TRIM42: variants seen among roughly 807,000 people sequenced by gnomAD.
The protein encoded by TRIM42 is tripartite motif-containing protein 42.
In TRIM42, 59 loss-of-function variants were observed where a neutral mutation model predicts 64.9. The observed-to-expected ratio is 0.91, with a 90% CI of 0.74 to 1.13. TRIM42 has a LOEUF of 1.13. Ranked by LOEUF, TRIM42 falls within the 50% of genes most tolerant of loss-of-function variation. The pLI is 0.00. For synonymous variants in TRIM42, 354 were observed against 346.3 expected (o/e 1.02, Z -0.25); for missense variants, 878 against 929.5 (o/e 0.94, Z 0.72).
intron 2 of TRIM42, among the ~76,000 whole-genome samples, chr3:140,683,445 T>G (rs373699303): frequency 2.0e-5 from 3 of 152,190 alleles, no homozygotes; most frequent in African/African-American, 4.8e-5. Flanking sequence ...AGTTCCTCTA[T>G]GTAAAGCATG....
intron 4 of TRIM42, among the ~76,000 whole-genome samples, chr3:140,692,143 C>G (rs1040186850): frequency 6.6e-6 from 1 of 152,108 alleles, no homozygotes; most frequent in Non-Finnish European, 1.5e-5. Context: ...CTCTTCCTCT[C>G]TCCCTGCTTC....
chr3:140,679,884 C>G (rs754770081), intron 1 of TRIM42, among the ~76,000 whole-genome samples: 28 of 146,340 alleles, frequency 1.9e-4, no homozygotes, highest in East Asian at 2.2e-4. Context: ...TCCCCACCCC[C>G]CCAAACATTG....
intron 4 of TRIM42, among the ~76,000 whole-genome samples, chr3:140,697,366 T>A (rs1045446185): frequency 6.6e-6 from 1 of 152,196 alleles, no homozygotes; most frequent in African/African-American, 2.4e-5. Context: ...ATCAATTATT[T>A]TTTCTTTATA....
chr3:140,681,708 C>T (rs1412085444), intron 1 of TRIM42, among the ~76,000 whole-genome samples: 1 of 151,900 alleles, frequency 6.6e-6, no homozygotes, highest in Non-Finnish European at 1.5e-5. Flanking sequence ...TGACTCATTG[C>T]AACAAGTGAG....
intron 4 of TRIM42, among the ~76,000 whole-genome samples, chr3:140,698,702 A>G (rs1988919944): frequency 6.6e-6 from 1 of 152,122 alleles, no homozygotes; most frequent in African/African-American, 2.4e-5. Flanking sequence ...AATAAAGACT[A>G]TTTCTGTTTG....
chr3:140,698,948 T>C, intron 4 of TRIM42, among the ~76,000 whole-genome samples: 1 of 152,218 alleles, frequency 6.6e-6, no homozygotes, highest in Non-Finnish European at 1.5e-5. Context: ...CCTTGTCTTA[T>C]TCCTGATATT....
At chr3:140,694,445 C>T (rs1194870969) in intron 4 of TRIM42, among the ~76,000 whole-genome samples, 2 of 152,172 alleles carry the variant, frequency 1.3e-5, no homozygotes, top group African/African-American at 4.8e-5. Context: ...GTTTCTTCCC[C>T]TGCTCTTCCT....
intron 3 of TRIM42, among the ~76,000 whole-genome samples, chr3:140,690,531 GTATATATATATATATATA>G (rs56969249): frequency 0.035 from 3,664 of 103,972 alleles, 98 homozygotes; most frequent in African/African-American, 0.057. Flanking sequence ...AAGTTTTTAT[GTATATATATATATATATA>G]TATATATATA....
intron 4 of TRIM42, among the ~76,000 whole-genome samples, chr3:140,700,569 A>G (rs113990480): frequency 2.1e-4 from 32 of 152,342 alleles, no homozygotes; most frequent in African/African-American, 7.5e-4. Context: ...AAGGATACAG[A>G]GGATCCTCTA....
chr3:140,690,870 A>G, intron 3 of TRIM42, 98 bp from the exon 4 acceptor site: 1 of 1,014,116 alleles, frequency 9.9e-7, no homozygotes, highest in South Asian at 1.5e-5. Context: ...GGTCAGCTTA[A>G]ACTCACCCCA....
intron 1 of TRIM42, among the ~76,000 whole-genome samples, chr3:140,681,744 G>A (rs1988399958): frequency 6.6e-6 from 1 of 152,076 alleles, no homozygotes; most frequent in Non-Finnish European, 1.5e-5. Context: ...AAAGTGTAAG[G>A]TACCTTGAAA....
chr3:140,686,997 G>A (rs528920935), intron 2 of TRIM42, among the ~76,000 whole-genome samples: 32 of 152,264 alleles, frequency 2.1e-4, no homozygotes, highest in African/African-American at 7.5e-4. Flanking sequence ...AAGATACATG[G>A]CATGTAACAG....
rs201744144 is a variant in TRIM42 at position 140,682,701 on chromosome 3, C to A, written c.581C>A (p.Ser194Ter). ...CTCATCTGCCCAGTGTGCGACCGCT[C>A]GCACTGCATGCCCTACAGCAACAAG... ...FILICPVCDRSHCMPYSNKMQ... is the reference protein window; with the variant it reads ...FILICPVCDR The change falls in exon 2 of 5, where the codon TCG becomes TAG. Residue 194 changes from serine (S) to a stop codon, truncating the protein, a stop_gained. Transcript: ENST00000286349. LOFTEE classifies it high-confidence loss of function. 1 of 1,612,742 alleles carries A rather than the reference C, an allele frequency of 6.2e-7. No homozygotes were observed. The highest frequency in any genetic ancestry group is 1.7e-5 in the Admixed American group (1 of 60,028).
intron 4 of TRIM42, among the ~76,000 whole-genome samples, chr3:140,696,728 G>A (rs143507218): frequency 5.5e-4 from 84 of 152,236 alleles, no homozygotes; most frequent in African/African-American, 1.9e-3. Context: ...CTTCCTTTGT[G>A]CACATGCATT....
At position 140,684,715 on chromosome 3, in the gene TRIM42, C is replaced by G. The variant is rs531863277; in HGVS notation, c.1039+1556C>G. On this transcript the variant is annotated intron_variant, in intron 2 of 4. Transcript: ENST00000286349. ...AGGGAAGACTTCATATTAAAGGAAC[C>G]CTGCAGGAACCACATTACCAAGAAA... Among the ~76,000 whole-genome samples the G allele has an allele frequency of 4.6e-5, 7 of 152,184 alleles. No homozygotes were observed. The East Asian group carries it at 1.4e-3, about 29-fold the overall frequency.
At chr3:140,690,718 A>G (rs549925301) in intron 3 of TRIM42, among the ~76,000 whole-genome samples, 1 of 151,758 alleles carries the variant, frequency 6.6e-6, no homozygotes, top group East Asian at 1.9e-4. Context: ...GACAATTGTC[A>G]CCTCCATGTC....
chr3:140,678,095 C>A lies in TRIM42; in HGVS notation c.-135C>A, dbSNP rs183866557. The A allele has an allele frequency of 4.9e-4, 393 of 796,882 alleles. No individual in the cohort carries two copies. Among genetic ancestry groups the A allele is most frequent in the Non-Finnish European group, 6.7e-4 (322 of 480,572 alleles). The allele number at this position is 796,882 out of a possible 1,614,324, so 49.4% of individuals were successfully genotyped here. A position where few individuals can be genotyped will look rare whatever the true frequency, so the allele number is the denominator to read the frequency against. Reference sequence around the variant, plus strand: ...ACCAGCTGTGAAGTCCTCATAACAGCCAACTTCTTGCAACTTTCAAGCTGA... The same window carrying A: ...ACCAGCTGTGAAGTCCTCATAACAGACAACTTCTTGCAACTTTCAAGCTGA... On this transcript the variant is annotated 5_prime_UTR_variant, in exon 1 of 5. Transcript: ENST00000286349.
intron 4 of TRIM42, among the ~76,000 whole-genome samples, chr3:140,697,322 A>G (rs1490687800): frequency 6.6e-6 from 1 of 152,228 alleles, no homozygotes; most frequent in Non-Finnish European, 1.5e-5. Context: ...TTCATAAAAT[A>G]GCAGAAATAC....
At chr3:140,690,641 G>A (rs980679910) in intron 3 of TRIM42, among the ~76,000 whole-genome samples, 1 of 146,216 alleles carries the variant, frequency 6.8e-6, no homozygotes, top group African/African-American at 2.5e-5. Context: ...TGAATTAACT[G>A]AATTGTGATA....
Sources: allele counts gnomAD v4.1 joint callset (sites outside exome capture counted in the v4.1 genomes callset), GRCh38; gene constraint gnomAD v4.1.1; transcripts MANE v1.5; gene names NCBI Gene and HGNC (gene_info 2026-07-23, HGNC 2026-07-21).